The following PKP4 variants were observed in gnomAD, a reference collection of about 807,000 sequenced individuals.
PKP4 encodes the protein plakophilin 4.
In PKP4, 90 loss-of-function variants were observed where a neutral mutation model predicts 145.1. That is an observed-to-expected ratio of 0.62 (90% CI 0.52 to 0.74). The LOEUF (loss-of-function observed/expected upper bound fraction) is 0.74, where lower values mean the gene tolerates loss of function less well. Among genes scored for constraint, PKP4 ranks in the 30% least tolerant of loss-of-function variants. The probability of loss-of-function intolerance (pLI) is 0.00; values close to 1 mark genes in which losing one functional copy is unlikely to be tolerated. For synonymous variants in PKP4, 563 were observed against 577.2 expected (o/e 0.98, Z 0.35); for missense variants, 1,340 against 1,482.7 (o/e 0.90, Z 1.58).
At chr2:158,506,535 G>A (rs1378310180) in intron 1 of PKP4, among the ~76,000 whole-genome samples, 2 of 152,144 alleles carry the variant, frequency 1.3e-5, no homozygotes, top group African/African-American at 4.8e-5. Flanking sequence ...AAGTCCTCAG[G>A]GCTTCCTGAC....
intron 1 of PKP4, among the ~76,000 whole-genome samples, chr2:158,524,263 A>G (rs1478719334): frequency 2.4e-5 from 3 of 123,790 alleles, no homozygotes; most frequent in Non-Finnish European, 4.9e-5. Context: ...AGGGAAGCCC[A>G]TCAGACTAAC....
intron 1 of PKP4, among the ~76,000 whole-genome samples, chr2:158,482,642 T>A (rs1693533579): frequency 2.0e-5 from 3 of 152,016 alleles, no homozygotes; most frequent in Admixed American, 2.0e-4. Context: ...TTAACACCAG[T>A]CTGGGCAACA....
chr2:158,475,452 T>C (rs185619247), intron 1 of PKP4, among the ~76,000 whole-genome samples: 1 of 152,202 alleles, frequency 6.6e-6, no homozygotes, highest in African/African-American at 2.4e-5. Flanking sequence ...TACTTTCTTA[T>C]TGTTCTCAGT....
At chr2:158,679,368 T>G (rs1036585414) in intron 21 of PKP4, 2 of 152,274 alleles carry the variant, frequency 1.3e-5, no homozygotes, top group South Asian at 4.2e-4. Flanking sequence ...TTCTAAGACC[T>G]CTCCTTCTCG....
At chr2:158,465,041 C>G (rs998112286) in intron 1 of PKP4, among the ~76,000 whole-genome samples, 3 of 152,214 alleles carry the variant, frequency 2.0e-5, no homozygotes, top group Admixed American at 2.0e-4. Context: ...AAGATGACTT[C>G]CTCCAGGGAT....
chr2:158,535,695 A>G (rs1055288951), intron 2 of PKP4, among the ~76,000 whole-genome samples: 8 of 152,166 alleles, frequency 5.3e-5, no homozygotes, highest in Admixed American at 2.6e-4. Context: ...TGTGAGGATT[A>G]TAAGTGTGAG....
intron 1 of PKP4, 132 bp from the exon 2 acceptor site, chr2:158,533,048 G>A (rs980569606): frequency 2.4e-6 from 2 of 817,862 alleles, no homozygotes; most frequent in South Asian, 2.4e-5. Context: ...AGAAAATTTA[G>A]CAATTTCACA....
At chr2:158,675,020 T>C (rs1215584420) in intron 19 of PKP4, among the ~76,000 whole-genome samples, 1 of 152,214 alleles carries the variant, frequency 6.6e-6, no homozygotes, top group Non-Finnish European at 1.5e-5. Context: ...ATGGGTTGCT[T>C]TCTTGAAAGA....
intron 3 of PKP4, among the ~76,000 whole-genome samples, chr2:158,596,476 T>C (rs2049753152): frequency 6.6e-6 from 1 of 152,150 alleles, no homozygotes; most frequent in Non-Finnish European, 1.5e-5. Context: ...AAATTTTTCA[T>C]AGTAAAGATT....
chr2:158,609,830 G>A (rs939673625), intron 4 of PKP4, among the ~76,000 whole-genome samples: 1 of 152,160 alleles, frequency 6.6e-6, no homozygotes. Flanking sequence ...TTGCTTGTTT[G>A]TGTGTTTATT....
At chr2:158,489,440 G>A (rs1694633667) in intron 1 of PKP4, among the ~76,000 whole-genome samples, 1 of 152,116 alleles carries the variant, frequency 6.6e-6, no homozygotes, top group African/African-American at 2.4e-5. Context: ...AAAATGATTG[G>A]CTGCTTGTCT....
intron 1 of PKP4, among the ~76,000 whole-genome samples, chr2:158,509,895 C>T (rs974489093): frequency 2.7e-5 from 4 of 147,692 alleles, no homozygotes; most frequent in Admixed American, 6.9e-5. Flanking sequence ...TGCGGTGAGC[C>T]GAGATCACAC....
intron 2 of PKP4, among the ~76,000 whole-genome samples, chr2:158,573,072 C>T (rs534813960): frequency 6.6e-6 from 1 of 152,274 alleles, no homozygotes; most frequent in East Asian, 1.9e-4. Flanking sequence ...GCTTATTTTA[C>T]AGAATGTTTA....
At chr2:158,459,538 C>A (rs898847784) in intron 1 of PKP4, among the ~76,000 whole-genome samples, 15 of 152,126 alleles carry the variant, frequency 9.9e-5, no homozygotes, top group Admixed American at 2.6e-4. Flanking sequence ...CGTTGTTTTT[C>A]AGCTATGTGC....
intron 15 of PKP4, among the ~76,000 whole-genome samples, chr2:158,664,405 A>G (rs1330703356): frequency 6.6e-6 from 1 of 152,186 alleles, no homozygotes; most frequent in Non-Finnish European, 1.5e-5. Context: ...AGAACTTTCT[A>G]AATGTCCCCC....
chr2:158,606,419 C>T lies in PKP4; in HGVS notation c.280+3315C>T, dbSNP rs2050664550. On this transcript the variant is annotated intron_variant, in intron 4 of 21. Transcript: ENST00000389759. The stretch of plus-strand genomic sequence containing the variant: ...ACGTTATTATCCTTTTTATTATAGC[C>T]GTCCTAGTGGGTGTGAAGTAATTTG... Among the ~76,000 whole-genome samples the T allele has an allele frequency of 3.3e-5, 5 of 152,076 alleles. No individual in the cohort carries two copies. The South Asian group carries it at 1.0e-3, about 32-fold the overall frequency.
chr2:158,650,115 G>C (rs1432862860), intron 11 of PKP4, among the ~76,000 whole-genome samples: 1 of 152,162 alleles, frequency 6.6e-6, no homozygotes, highest in Non-Finnish European at 1.5e-5. Context: ...AACAAGGGTG[G>C]CCAGGGCCGC....
At chr2:158,568,511 G>A (rs2047177582) in intron 2 of PKP4, among the ~76,000 whole-genome samples, 1 of 152,158 alleles carries the variant, frequency 6.6e-6, no homozygotes, top group Admixed American at 6.5e-5. Flanking sequence ...GTCTGGGTAA[G>A]GCCATGGTTT....
At chr2:158,560,278 A>G (rs2046407266) in intron 2 of PKP4, among the ~76,000 whole-genome samples, 1 of 152,176 alleles carries the variant, frequency 6.6e-6, no homozygotes, top group Non-Finnish European at 1.5e-5. Context: ...TTTGAAATTA[A>G]ATAAATAGAG....
Sources: gnomAD v4.1 joint callset for allele counts (sites outside exome capture counted in the v4.1 genomes callset) on GRCh38, gnomAD v4.1.1 for gene constraint, MANE v1.5 for transcripts, NCBI Gene and HGNC (gene_info 2026-07-23, HGNC 2026-07-21) for gene names.